The following TRAPPC9 variants were observed in gnomAD, a reference collection of about 807,000 sequenced individuals.
TRAPPC9 encodes the protein trafficking protein particle complex subunit 9, also known as IKK2 binding protein.
Under a neutral mutation model 124.0 loss-of-function variants are expected in TRAPPC9, and 83 were observed. That is an observed-to-expected ratio of 0.67 (90% confidence interval 0.56 to 0.80). TRAPPC9 has a LOEUF of 0.80. TRAPPC9 is among the 30% of genes least tolerant of loss of function. The pLI is 0.00. For synonymous variants in TRAPPC9, 638 were observed against 617.5 expected (o/e 1.03, Z -0.49); for missense variants, 1,302 against 1,508.3 (o/e 0.86, Z 2.27).
chr8:139,956,601 C>T (rs1835004900), intron 19 of TRAPPC9, among the ~76,000 whole-genome samples: 2 of 152,202 alleles, frequency 1.3e-5, no homozygotes, highest in African/African-American at 4.8e-5. Context: ...GGAATTGTTT[C>T]CAATCAGGAC....
chr8:139,810,992 C>A (rs186168810), intron 21 of TRAPPC9, among the ~76,000 whole-genome samples: 1 of 152,276 alleles, frequency 6.6e-6, no homozygotes, highest in East Asian at 1.9e-4. Context: ...AAGGGCACAG[C>A]CACTTGAGGA....
intron 21 of TRAPPC9, among the ~76,000 whole-genome samples, chr8:139,871,466 A>C (rs1828894616): frequency 6.6e-6 from 1 of 152,152 alleles, no homozygotes; most frequent in Non-Finnish European, 1.5e-5. Context: ...GGTCTGCCCC[A>C]GCCCCGCGAG....
intron 17 of TRAPPC9, among the ~76,000 whole-genome samples, chr8:140,167,592 C>T (rs1023960654): frequency 2.6e-5 from 4 of 152,176 alleles, no homozygotes; most frequent in African/African-American, 9.7e-5. Context: ...ACAGCTTCAC[C>T]TTTAGACATG....
At chr8:140,235,680 A>T (rs1441697311) in intron 16 of TRAPPC9, among the ~76,000 whole-genome samples, 1 of 152,248 alleles carries the variant, frequency 6.6e-6, no homozygotes, top group East Asian at 1.9e-4. Flanking sequence ...GAGTTCATAC[A>T]TAGTGCTGGG....
intron 9 of TRAPPC9, among the ~76,000 whole-genome samples, chr8:140,344,749 G>T (rs1466515532): frequency 1.3e-5 from 2 of 152,274 alleles, no homozygotes; most frequent in African/African-American, 4.8e-5. Context: ...GCAGAAGACT[G>T]GAGAGAGGTG....
At chr8:139,816,735 C>T (rs73726665) in intron 21 of TRAPPC9, among the ~76,000 whole-genome samples, 2,737 of 152,156 alleles carry the variant, frequency 0.018, 87 homozygotes, top group African/African-American at 0.06. Context: ...TCTGTCATGA[C>T]CTCTGCAATG....
chr8:140,086,175 G>C (rs931378603), intron 17 of TRAPPC9, among the ~76,000 whole-genome samples: 1 of 152,114 alleles, frequency 6.6e-6, no homozygotes, highest in Non-Finnish European at 1.5e-5. Flanking sequence ...GTATGGTGTG[G>C]GTGAAAGACA....
At position 140,087,444 on chromosome 8, in the gene TRAPPC9, A is replaced by G. The variant is rs1401191231; in HGVS notation, c.2557-63365T>C. 6.6e-6 allele frequency among the ~76,000 whole-genome samples: 1 copy of G among 152,138 alleles called. No individual in the cohort carries two copies. Among genetic ancestry groups the G allele is most frequent in the Non-Finnish European group, 1.5e-5 (1 of 68,020 alleles). On this transcript the variant is annotated intron_variant, in intron 17 of 22. Coordinates refer to ENST00000438773, the MANE Select transcript of TRAPPC9 (RefSeq NM_001160372.4). The surrounding 1 kb of genome is among the most constrained non-coding windows in gnomAD (Gnocchi z 4.6). ...AGATGGAACACCAACAGGCTCCCGC[A>G]CAGCCCCGCTGAAGAGCCGAACGGT...
intron 16 of TRAPPC9, among the ~76,000 whole-genome samples, chr8:140,239,992 G>A (rs2063821310): frequency 6.6e-6 from 1 of 152,098 alleles, no homozygotes; most frequent in Non-Finnish European, 1.5e-5. Context: ...GGGGGGAAGG[G>A]GCAAGTTATG....
chr8:140,367,665 C>T (rs1387263166), intron 8 of TRAPPC9, among the ~76,000 whole-genome samples: 2 of 152,100 alleles, frequency 1.3e-5, no homozygotes, highest in African/African-American at 4.8e-5. Context: ...CTCATCACTA[C>T]ACATTTGTCA....
rs947814205 is a variant in TRAPPC9 at position 139,937,323 on chromosome 8, G to A, written c.2811-27023C>T. On this transcript the variant is annotated intron_variant, in intron 19 of 22. Transcript: ENST00000438773. ...ATAGCAATATGGGTGCGGGCCCAGAGAGGGAGGTATTCTCTCTGGATGCTG... is the reference window on the plus strand; with the variant it reads ...ATAGCAATATGGGTGCGGGCCCAGAAAGGGAGGTATTCTCTCTGGATGCTG... 2.0e-5 allele frequency among the ~76,000 whole-genome samples: 3 copies of A among 152,324 alleles called. No homozygotes were observed. The East Asian group carries it at 5.8e-4, about 29-fold the overall frequency.
intron 17 of TRAPPC9, among the ~76,000 whole-genome samples, chr8:140,068,607 C>CCGCTAGTT (rs1842991286): frequency 6.6e-6 from 1 of 152,216 alleles, no homozygotes; most frequent in South Asian, 2.1e-4. Flanking sequence ...TGAAATCAGG[C>CCGCTAGTT]CGCTAGTTAA....
Position 140,221,494 on chromosome 8 carries a change from C to A in TRAPPC9, c.2521G>T (p.Glu841Ter). The change falls in exon 17 of 23, where the codon GAG becomes TAG. Residue 841 changes from glutamate (E) to a stop codon, truncating the protein, a stop_gained. Coordinates refer to ENST00000438773, the MANE Select transcript of TRAPPC9 (RefSeq NM_001160372.4). LOFTEE classifies it high-confidence loss of function. ...RVEGKPVNPPESNKAGDYSHV... is the reference protein window; with the variant it reads ...RVEGKPVNPP ...CTGTAGTCGCCTGCTTTGTTGCTCT[C>A]GGGTGGGTTCACAGGTTTGCCCTCC... 1 of 1,614,136 alleles carries A rather than the reference C, an allele frequency of 6.2e-7. No individual in the cohort carries two copies. Among genetic ancestry groups the A allele is most frequent in the African/African-American group, 1.3e-5 (1 of 75,048 alleles).
chr8:140,053,799 T>A (rs1031097349), intron 17 of TRAPPC9, among the ~76,000 whole-genome samples: 1 of 152,256 alleles, frequency 6.6e-6, no homozygotes, highest in Non-Finnish European at 1.5e-5. Context: ...TTTATCATTA[T>A]ACAATGGCCT....
At chr8:140,008,148 A>T (rs1200871201) in intron 18 of TRAPPC9, among the ~76,000 whole-genome samples, 1 of 152,254 alleles carries the variant, frequency 6.6e-6, no homozygotes, top group Non-Finnish European at 1.5e-5. Flanking sequence ...GGCACACAAG[A>T]CAATAGGTAA....
intron 21 of TRAPPC9, among the ~76,000 whole-genome samples, chr8:139,865,937 C>A (rs369320532): frequency 6.6e-6 from 1 of 152,156 alleles, no homozygotes; most frequent in Non-Finnish European, 1.5e-5. Flanking sequence ...TTTAGGGAAG[C>A]CTGAGACATC....
intron 15 of TRAPPC9, among the ~76,000 whole-genome samples, chr8:140,272,651 T>C (rs2064991245): frequency 6.6e-6 from 1 of 152,102 alleles, no homozygotes; most frequent in Non-Finnish European, 1.5e-5. Flanking sequence ...GGAGCTGGCC[T>C]CTGCTTCTGG....
chr8:140,149,313 T>C (rs1490826508), intron 17 of TRAPPC9, among the ~76,000 whole-genome samples: 2 of 152,250 alleles, frequency 1.3e-5, no homozygotes, highest in East Asian at 3.9e-4. Context: ...AGCTCTCAAA[T>C]AGGAATGAGA....
chr8:139,850,650 T>C (rs945345210), intron 21 of TRAPPC9, among the ~76,000 whole-genome samples: 9 of 152,210 alleles, frequency 5.9e-5, no homozygotes, highest in Non-Finnish European at 8.8e-5. Flanking sequence ...AGTTGAACAA[T>C]CAAGTCATTC....
Sources: gnomAD v4.1 joint callset for allele counts (sites outside exome capture counted in the v4.1 genomes callset) on GRCh38, gnomAD v4.1.1 for gene constraint, Gnocchi (gnomAD v3.1) non-coding constraint, MANE v1.5 for transcripts, NCBI Gene and HGNC (gene_info 2026-07-23, HGNC 2026-07-21) for gene names.